Variants in MAD1L1 observed in about 807,000 individuals in gnomAD.
MAD1L1 encodes the protein mitotic spindle assembly checkpoint protein MAD1.
Under a neutral mutation model 96.9 loss-of-function variants are expected in MAD1L1, and 95 were observed. The ratio of observed to expected loss-of-function variants is 0.98; its 90% confidence interval spans 0.83 to 1.16. The LOEUF is 1.16. Among genes scored for constraint, MAD1L1 ranks in the 50% most tolerant of loss-of-function variants. MAD1L1 has a pLI of 0.00. For synonymous variants in MAD1L1, 473 were observed against 396.6 expected (o/e 1.19, Z -2.29); for missense variants, 1,007 against 954.4 (o/e 1.06, Z -0.73).
intron 12 of MAD1L1, among the ~76,000 whole-genome samples, chr7:2,044,402 C>T (rs1783828949): frequency 6.6e-6 from 1 of 152,198 alleles, no homozygotes; most frequent in Non-Finnish European, 1.5e-5. Context: ...CAAAGCACCT[C>T]AGGTGTGAGA....
chr7:2,047,692 C>T (rs1258917397), intron 12 of MAD1L1, among the ~76,000 whole-genome samples: 1 of 152,188 alleles, frequency 6.6e-6, no homozygotes, highest in African/African-American at 2.4e-5. Flanking sequence ...ACACAGCACT[C>T]ACACATGTGC....
At chr7:1,908,003 A>G (rs1363456700) in intron 17 of MAD1L1, among the ~76,000 whole-genome samples, 1 of 152,210 alleles carries the variant, frequency 6.6e-6, no homozygotes, top group African/African-American at 2.4e-5. Flanking sequence ...GAGTCCGGCC[A>G]GGGCCACCCT....
At chr7:1,843,780 G>T (rs890039369) in intron 18 of MAD1L1, among the ~76,000 whole-genome samples, 3 of 152,156 alleles carry the variant, frequency 2.0e-5, no homozygotes, top group African/African-American at 7.2e-5. Context: ...CCCACGGCAG[G>T]CCACGTGGAG....
At chr7:1,902,677 G>A (rs1276893908) in intron 17 of MAD1L1, among the ~76,000 whole-genome samples, 3 of 76,680 alleles carry the variant, frequency 3.9e-5, no homozygotes, top group African/African-American at 1.6e-4. Flanking sequence ...CAGGGTGCAG[G>A]GAACCGTCTC....
At chr7:2,205,674 C>G (rs1379935059) in intron 10 of MAD1L1, among the ~76,000 whole-genome samples, 1 of 152,238 alleles carries the variant, frequency 6.6e-6, no homozygotes, top group African/African-American at 2.4e-5. Flanking sequence ...ATTAAACTCC[C>G]TCTCTGCTGC....
intron 10 of MAD1L1, among the ~76,000 whole-genome samples, chr7:2,171,765 C>T (rs1454699482): frequency 6.6e-6 from 1 of 151,912 alleles, no homozygotes; most frequent in African/African-American, 2.4e-5. Flanking sequence ...ATGCAAAGGG[C>T]AGCAGAGAAG....
At position 1,940,813 on chromosome 7, in the gene MAD1L1, C is replaced by T. The variant is rs764178770; in HGVS notation, c.1597-3916G>A. Among the ~76,000 whole-genome samples, 18 of 152,304 alleles carry T rather than the reference C, an allele frequency of 1.2e-4. No individual in the cohort carries two copies. The South Asian group carries it at 1.5e-3, about 12-fold the overall frequency. ...TCTTCAACCCTTCAAAAATGTACAA[C>T]GGTTCTTAGTTGAGGGGCTGCACAG... On this transcript the variant is annotated intron_variant, in intron 16 of 18. Coordinates refer to ENST00000265854, the MANE Select transcript of MAD1L1 (RefSeq NM_001013836.2).
intron 18 of MAD1L1, among the ~76,000 whole-genome samples, chr7:1,863,322 C>T (rs1014230483): frequency 6.6e-6 from 1 of 152,250 alleles, no homozygotes; most frequent in African/African-American, 2.4e-5. Context: ...TGGTGAGGGT[C>T]CGCAGAGAGC....
intron 5 of MAD1L1, 100 bp from the exon 6 acceptor site, chr7:2,219,556 C>T: frequency 7.5e-7 from 1 of 1,338,550 alleles, no homozygotes; most frequent in Non-Finnish European, 1.0e-6. Flanking sequence ...CGACACCACC[C>T]ACGTGCTATA....
In MAD1L1 at chr7:2,225,503, C is replaced by G. The variant is rs768057551; in HGVS notation, c.198G>C (p.Gln66His). ...CCATCTGCATTTTCTCCCGCTCCAC[C>G]TGGATGAGGTGGGACTTCGAACGGA... is the stretch of plus-strand genomic sequence containing the variant. ...EQIRSKSHLI[Q>H]VEREKMQMEL... Residue 66 changes from glutamine to histidine, a missense_variant, in exon 4 of 19, where the codon CAG becomes CAC. Gln to His is a conservative substitution (Grantham distance 24). Transcript: ENST00000265854. The G allele has an allele frequency of 5.0e-6, 8 of 1,614,054 alleles. No homozygotes were observed. The Admixed American group carries it at 1.2e-4, about 24-fold the overall frequency.
intron 10 of MAD1L1, among the ~76,000 whole-genome samples, chr7:2,149,926 C>T (rs1452671371): frequency 6.6e-6 from 1 of 152,222 alleles, no homozygotes; most frequent in Non-Finnish European, 1.5e-5. Flanking sequence ...TGTGAGCATT[C>T]CCAGCCTCAC....
intron 11 of MAD1L1, among the ~76,000 whole-genome samples, chr7:2,097,285 G>C (rs748805679): frequency 2.0e-5 from 3 of 152,236 alleles, no homozygotes; most frequent in African/African-American, 7.2e-5. Context: ...CCTTGTTTCC[G>C]GGACACACAA....
At chr7:1,992,949 CACG>C (rs1304249011) in intron 14 of MAD1L1, among the ~76,000 whole-genome samples, 1 of 152,214 alleles carries the variant, frequency 6.6e-6, no homozygotes. Context: ...ACTGCAGAGA[CACG>C]ACAAGTTTAA....
intron 5 of MAD1L1, among the ~76,000 whole-genome samples, 161 bp from the exon 6 acceptor site, chr7:2,219,617 G>A (rs1049839211): frequency 1.4e-5 from 2 of 145,358 alleles, no homozygotes; most frequent in African/African-American, 5.0e-5. Context: ...GAGGGGCATC[G>A]GGCAGAGGGG....
chr7:1,817,637 G>A (rs372518549), intron 18 of MAD1L1: 65 of 152,364 alleles, frequency 4.3e-4, no homozygotes, highest in African/African-American at 1.4e-3. Context: ...GACTGGTCGC[G>A]GCTGCGCACT....
chr7:1,873,220 C>T (rs1785200723), intron 18 of MAD1L1, among the ~76,000 whole-genome samples: 1 of 152,212 alleles, frequency 6.6e-6, no homozygotes, highest in Non-Finnish European at 1.5e-5. Context: ...TGCAGGGAGC[C>T]TGGCTCACAG....
At chr7:1,945,442 G>T (rs1398730068) in intron 16 of MAD1L1, among the ~76,000 whole-genome samples, 1 of 152,254 alleles carries the variant, frequency 6.6e-6, no homozygotes, top group Non-Finnish European at 1.5e-5. Flanking sequence ...AACGCAGGAA[G>T]TAAGAGCAAG....
At chr7:1,842,839 G>A (rs778462682) in intron 18 of MAD1L1, among the ~76,000 whole-genome samples, 2 of 152,226 alleles carry the variant, frequency 1.3e-5, no homozygotes, top group African/African-American at 2.4e-5. Context: ...TCAGCCCCTC[G>A]CCCAGCTGGC....
intron 18 of MAD1L1, among the ~76,000 whole-genome samples, chr7:1,897,693 G>A (rs1786969102): frequency 6.6e-6 from 1 of 152,258 alleles, no homozygotes; most frequent in Non-Finnish European, 1.5e-5. Context: ...AGCGCCTGCT[G>A]GCTCGCAGGA....
Sources: gnomAD v4.1 joint callset for allele counts (sites outside exome capture counted in the v4.1 genomes callset) on GRCh38, gnomAD v4.1.1 for gene constraint, MANE v1.5 for transcripts, NCBI Gene and HGNC (gene_info 2026-07-23, HGNC 2026-07-21) for gene names.